Variants in ACYP2 observed in about 807,000 individuals in gnomAD.
ACYP2 encodes the protein acylphosphatase-2.
In ACYP2, 12 loss-of-function variants were observed where a neutral mutation model predicts 11.2. The observed-to-expected ratio is 1.08, with a 90% CI of 0.69 to 1.74. The LOEUF (loss-of-function observed/expected upper bound fraction) is 1.74, where lower values mean the gene tolerates loss of function less well. ACYP2 is among the 40% of genes most tolerant of loss of function. The probability of loss-of-function intolerance (pLI) is 0.00; values close to 1 mark genes in which losing one functional copy is unlikely to be tolerated. For synonymous variants in ACYP2, 43 were observed against 32.2 expected, an observed-to-expected ratio of 1.33 and a Z score of -1.13; for missense variants, 134 against 101.9, an observed-to-expected ratio of 1.31 and a Z score of -1.35.
intron 6 of ACYP2, chr2:54,255,059 TC>T: frequency 6.2e-7 from 1 of 1,614,122 alleles, no homozygotes; most frequent in Admixed American, 1.7e-5. Flanking sequence ...ATCTGAGCAA[TC>T]CTGTCGGACT....
At chr2:54,085,932 TC>T (rs1677923149) in intron 4 of ACYP2, among the ~76,000 whole-genome samples, 6 of 152,156 alleles carry the variant, frequency 3.9e-5, no homozygotes, top group African/African-American at 1.2e-4. Flanking sequence ...TCTAAAAGTT[TC>T]TTTGAGTCAC....
At chr2:54,077,112 T>A (rs1236209131) in intron 4 of ACYP2, among the ~76,000 whole-genome samples, 1 of 152,246 alleles carries the variant, frequency 6.6e-6, no homozygotes, top group Non-Finnish European at 1.5e-5. Context: ...TTAGATTCTC[T>A]ATCTTGGTTT....
chr2:53,991,804 ATTTAGCGATGAGGGC>A lies in ACYP2; in HGVS notation c.62+17996_62+18010del, dbSNP rs1159286926. ...AAGTTTTTTATATTTATTTATTTTT[ATTTAGCGATGAGGGC>A]TAAGTATGTTGTACAAGATGGAGTG... On this transcript the variant is annotated intron_variant, in intron 2 of 6. Coordinates refer to ENST00000607452, the MANE Select transcript of ACYP2 (RefSeq NM_001320586.2). Among the ~76,000 whole-genome samples, 4 of 151,914 alleles carry A rather than the reference ATTTAGCGATGAGGGC, an allele frequency of 2.6e-5. No homozygotes were observed. In the East Asian group the frequency reaches 7.7e-4, roughly 29 times the overall value.
chr2:54,160,853 C>G lies in ACYP2; in HGVS notation c.404+22105C>G, dbSNP rs574792034. ...CTGTGTTGAAAATATGGGCTAAGAA[C>G]TGGAAGAAGGGAGATTGGAATCAAG... is the stretch of plus-strand genomic sequence containing the variant. On this transcript the variant is annotated intron_variant, in intron 6 of 6. Coordinates refer to ENST00000607452, the MANE Select transcript of ACYP2 (RefSeq NM_001320586.2). Among the ~76,000 whole-genome samples, 7 of 152,184 alleles carry G rather than the reference C, an allele frequency of 4.6e-5. No individual in the cohort carries two copies. The East Asian group carries it at 1.3e-3, about 29-fold the overall frequency.
chr2:54,256,841 T>TTTTGA (rs1687563436), intron 6 of ACYP2, among the ~76,000 whole-genome samples: 1 of 152,122 alleles, frequency 6.6e-6, no homozygotes, highest in Non-Finnish European at 1.5e-5. Flanking sequence ...TTTTGTTTTG[T>TTTTGA]ATTTTTAGTC....
chr2:54,028,876 T>G (rs1255980523), intron 2 of ACYP2, among the ~76,000 whole-genome samples: 1 of 152,194 alleles, frequency 6.6e-6, no homozygotes, highest in Non-Finnish European at 1.5e-5. Context: ...CCTATTAATC[T>G]TGCTCGGCAC....
chr2:53,990,492 T>C (rs1243991119), intron 2 of ACYP2, among the ~76,000 whole-genome samples: 1 of 150,778 alleles, frequency 6.6e-6, no homozygotes, highest in Non-Finnish European at 1.5e-5. Context: ...ATACTAAATA[T>C]ACAAAAATTA....
At chr2:53,996,589 A>G (rs1160207604) in intron 2 of ACYP2, among the ~76,000 whole-genome samples, 1 of 152,168 alleles carries the variant, frequency 6.6e-6, no homozygotes, top group Non-Finnish European at 1.5e-5. Context: ...AGCCACTGGT[A>G]TGGGCTGCCT....
At chr2:54,202,706 CTTTTTTTTTTTTTTTTTTTTTT>C (rs70944152) in intron 6 of ACYP2, among the ~76,000 whole-genome samples, 35 of 43,080 alleles carry the variant, frequency 8.1e-4, no homozygotes, top group East Asian at 1.9e-3. Flanking sequence ...CGGCGCCTGG[CTTTTTTTTTTTTTTTTTTTTTT>C]TTTTTTTTTT....
intron 4 of ACYP2, among the ~76,000 whole-genome samples, chr2:54,065,122 AATAT>A (rs1163580133): frequency 7.0e-6 from 1 of 142,748 alleles, no homozygotes; most frequent in South Asian, 2.3e-4. Context: ...TAAATAAATA[AATAT>A]AGAGGGACCA....
chr2:54,087,652 T>C (rs75077329), intron 4 of ACYP2, among the ~76,000 whole-genome samples: 1 of 152,282 alleles, frequency 6.6e-6, no homozygotes, highest in East Asian at 1.9e-4. Context: ...AATTTCATTC[T>C]TGAATACACC....
At chr2:54,179,262 G>T (rs919154429) in intron 6 of ACYP2, among the ~76,000 whole-genome samples, 75 of 151,628 alleles carry the variant, frequency 4.9e-4, no homozygotes, top group South Asian at 1.0e-3. Context: ...GTGGGTGGGG[G>T]AGGAGCATCT....
intron 4 of ACYP2, among the ~76,000 whole-genome samples, chr2:54,078,194 G>A (rs895642527): frequency 6.6e-6 from 1 of 151,492 alleles, no homozygotes; most frequent in Non-Finnish European, 1.5e-5. Flanking sequence ...TGATCCACCC[G>A]CCTTGGCCTC....
At chr2:54,116,079 G>A (rs1390335436) in intron 4 of ACYP2, among the ~76,000 whole-genome samples, 1 of 152,172 alleles carries the variant, frequency 6.6e-6, no homozygotes, top group African/African-American at 2.4e-5. Flanking sequence ...AGGAAAAGAA[G>A]AGGGTCTTTT....
At chr2:54,041,390 G>T (rs1299582518) in intron 2 of ACYP2, among the ~76,000 whole-genome samples, 1 of 152,212 alleles carries the variant, frequency 6.6e-6, no homozygotes, top group Non-Finnish European at 1.5e-5. Flanking sequence ...GGAAGCAAGG[G>T]CATCAGAATG....
intron 6 of ACYP2, among the ~76,000 whole-genome samples, chr2:54,193,982 C>A (rs551772840): frequency 6.6e-6 from 1 of 152,238 alleles, no homozygotes; most frequent in South Asian, 2.1e-4. Context: ...AATCAGATTT[C>A]CAAATAGGCA....
chr2:54,138,613 A>G (rs774389264), intron 5 of ACYP2, 26 bp from the exon 3 acceptor site: 38 of 1,574,884 alleles, frequency 2.4e-5, no homozygotes, highest in South Asian at 2.3e-4. Context: ...GCTGCACTTT[A>G]TTCTTCTTGT....
intron 2 of ACYP2, among the ~76,000 whole-genome samples, chr2:54,027,848 T>C (rs1459926908): frequency 6.9e-6 from 1 of 145,628 alleles, no homozygotes; most frequent in Non-Finnish European, 1.5e-5. Context: ...TTTTTTTTTT[T>C]TTTTTTTTTG....
chr2:54,039,258 A>ATT lies in ACYP2; in HGVS notation c.63-11691_63-11690dup, dbSNP rs112626580. On this transcript the variant is annotated intron_variant, in intron 2 of 6. Coordinates refer to ENST00000607452, the MANE Select transcript of ACYP2 (RefSeq NM_001320586.2). The stretch of plus-strand genomic sequence containing the variant: ...TTTCCCCAGCCTACATCGTGCTTTA[A>ATT]TTTTTTTTTTCTTTTCTTCTCTTTT... 3.5e-3 allele frequency among the ~76,000 whole-genome samples: 470 copies of ATT among 133,314 alleles called. 19 individuals carry two copies. The East Asian group carries it at 0.07, about 20-fold the overall frequency. The allele number at this position is 133,314 out of a possible 152,430, so 87.5% of individuals were successfully genotyped here. A position where few individuals can be genotyped will look rare whatever the true frequency, so the allele number is the denominator to read the frequency against.
Sources: allele counts gnomAD v4.1 joint callset (sites outside exome capture counted in the v4.1 genomes callset), GRCh38; gene constraint gnomAD v4.1.1; transcripts MANE v1.5; gene names NCBI Gene and HGNC (gene_info 2026-07-23, HGNC 2026-07-21).